Variants in EIF4G3 observed in about 807,000 individuals in gnomAD.
EIF4G3 encodes eIF-4-gamma 3.
Under a neutral mutation model 186.4 loss-of-function variants are expected in EIF4G3, and 34 were observed. The ratio of observed to expected loss-of-function variants is 0.18; its 90% confidence interval spans 0.14 to 0.24. The LOEUF (loss-of-function observed/expected upper bound fraction) is 0.24. Among genes scored for constraint, EIF4G3 ranks in the 10% least tolerant of loss-of-function variants. EIF4G3 has a pLI of 1.00. For missense variants in EIF4G3, 1,536 were observed against 1,948.5 expected, an observed-to-expected ratio of 0.79 and a Z score of 3.99; for synonymous variants, 673 against 679.5, an observed-to-expected ratio of 0.99 and a Z score of 0.15.
At chr1:21,064,177 A>G (rs996863325) in intron 3 of EIF4G3, among the ~76,000 whole-genome samples, 7 of 152,060 alleles carry the variant, frequency 4.6e-5, no homozygotes, top group Non-Finnish European at 8.8e-5. Context: ...GAGGATGGCG[A>G]GGTTCATGCT....
chr1:21,146,282 T>C (rs1003693170), intron 2 of EIF4G3, among the ~76,000 whole-genome samples: 5 of 151,902 alleles, frequency 3.3e-5, no homozygotes, highest in African/African-American at 9.7e-5. Context: ...CTTGAGCCCA[T>C]GAGGTTGAAG....
intron 2 of EIF4G3, among the ~76,000 whole-genome samples, chr1:21,098,736 G>C (rs2096447397): frequency 6.6e-6 from 1 of 152,012 alleles, no homozygotes; most frequent in African/African-American, 2.4e-5. Context: ...CTGCAGCCTT[G>C]ATCTCCCAGG....
intron 4 of EIF4G3, among the ~76,000 whole-genome samples, chr1:21,039,363 T>G (rs901264122): frequency 2.6e-5 from 4 of 152,178 alleles, no homozygotes; most frequent in African/African-American, 7.2e-5. Context: ...GAATCATAGA[T>G]CTAAATGTAA....
chr1:20,920,066 C>A (rs1342456721), intron 14 of EIF4G3, among the ~76,000 whole-genome samples: 3 of 152,066 alleles, frequency 2.0e-5, no homozygotes, highest in Admixed American at 1.3e-4. Context: ...ACCACCACAC[C>A]CAGCTAATTT....
At chr1:20,849,092 T>C (rs947259558) in intron 29 of EIF4G3, among the ~76,000 whole-genome samples, 11 of 140,516 alleles carry the variant, frequency 7.8e-5, no homozygotes, top group African/African-American at 2.9e-4. Flanking sequence ...GACAGCTATA[T>C]ACAGGGTGCC....
At chr1:21,132,356 AAG>A (rs1283758994) in intron 2 of EIF4G3, among the ~76,000 whole-genome samples, 2 of 152,210 alleles carry the variant, frequency 1.3e-5, no homozygotes, top group African/African-American at 2.4e-5. Context: ...AAGCAACAAA[AAG>A]AAAATTAAAT....
intron 13 of EIF4G3, among the ~76,000 whole-genome samples, chr1:20,947,646 AAGAG>A (rs1240707030): frequency 1.3e-5 from 2 of 152,200 alleles, no homozygotes; most frequent in East Asian, 1.9e-4. Context: ...GAAACAAAGA[AAGAG>A]AGTTAGTTTT....
At chr1:20,900,400 T>C (rs1191395964) in intron 15 of EIF4G3, among the ~76,000 whole-genome samples, 2 of 152,014 alleles carry the variant, frequency 1.3e-5, no homozygotes, top group Non-Finnish European at 2.9e-5. Flanking sequence ...CTAAGTCCTA[T>C]AAAACTGATC....
intron 14 of EIF4G3, among the ~76,000 whole-genome samples, chr1:20,931,811 G>A (rs1240906329): frequency 6.6e-6 from 1 of 152,070 alleles, no homozygotes; most frequent in Non-Finnish European, 1.5e-5. Context: ...TGTAGTTCCA[G>A]CTACTCAGGA....
At chr1:21,171,072 A>G (rs1256444449) in intron 2 of EIF4G3, among the ~76,000 whole-genome samples, 1 of 152,240 alleles carries the variant, frequency 6.6e-6, no homozygotes, top group Non-Finnish European at 1.5e-5. Flanking sequence ...CAGCTGAGCT[A>G]CAGGAGATTG....
intron 4 of EIF4G3, among the ~76,000 whole-genome samples, chr1:21,047,541 C>T (rs1340402885): frequency 6.6e-6 from 1 of 152,154 alleles, no homozygotes; most frequent in Non-Finnish European, 1.5e-5. Context: ...AAACCATTTA[C>T]TTCCCCTCTA....
At chr1:21,038,039 G>A (rs1455300175) in intron 4 of EIF4G3, among the ~76,000 whole-genome samples, 1 of 152,156 alleles carries the variant, frequency 6.6e-6, no homozygotes, top group East Asian at 1.9e-4. Flanking sequence ...TCTGAGCAGT[G>A]ATACTATATG....
At chr1:21,023,426 G>T (rs1231457359) in intron 4 of EIF4G3, among the ~76,000 whole-genome samples, 1 of 151,842 alleles carries the variant, frequency 6.6e-6, no homozygotes, top group East Asian at 1.9e-4. Flanking sequence ...GCGCCGCCAT[G>T]CCTGACTGGT....
intron 3 of EIF4G3, chr1:21,064,823 T>G (rs2095144478): frequency 6.6e-6 from 1 of 152,202 alleles, no homozygotes; most frequent in South Asian, 2.1e-4. Context: ...CAGGAACACT[T>G]GACAACTCCT....
intron 29 of EIF4G3, among the ~76,000 whole-genome samples, chr1:20,845,688 T>A (rs956617433): frequency 3.3e-5 from 5 of 151,494 alleles, no homozygotes. Context: ...AATAAATAAA[T>A]AAAAAATAAA....
At chr1:20,911,441 C>CA (rs2154558251) in intron 14 of EIF4G3, among the ~76,000 whole-genome samples, 1 of 151,024 alleles carries the variant, frequency 6.6e-6, no homozygotes, top group Admixed American at 6.6e-5. Flanking sequence ...ACAAGCTTGT[C>CA]ATCCCAGCTT....
chr1:20,960,194 C>T lies in EIF4G3; in HGVS notation c.714+9280G>A, dbSNP rs144041054. Among the ~76,000 whole-genome samples, 92 of 152,216 alleles carry T rather than the reference C, an allele frequency of 6.0e-4. 1 individual carries two copies. Among genetic ancestry groups the T allele is most frequent in the African/African-American group, 2.1e-3 (87 of 41,530 alleles). On this transcript the variant is annotated intron_variant, in intron 12 of 36. Coordinates refer to ENST00000602326, the MANE Select transcript of EIF4G3 (RefSeq NM_001391906.1). ...ATCAAAAATAAATTCTGCCTGGGCA[C>T]GGTGGCTCATGCCTGTAATCCCAGC...
intron 2 of EIF4G3, chr1:21,111,490 G>C: frequency 2.5e-6 from 1 of 407,960 alleles, no homozygotes; most frequent in Non-Finnish European, 5.1e-6. Context: ...TTTCCTTTCC[G>C]TGGACTATCC....
chr1:20,992,652 G>C (rs533429014), intron 7 of EIF4G3, among the ~76,000 whole-genome samples: 1 of 152,168 alleles, frequency 6.6e-6, no homozygotes, highest in Non-Finnish European at 1.5e-5. Flanking sequence ...TGAAAAGTAT[G>C]TGAACCAAAA....
Sources: gnomAD v4.1 joint callset for allele counts (sites outside exome capture counted in the v4.1 genomes callset) on GRCh38, gnomAD v4.1.1 for gene constraint, MANE v1.5 for transcripts, NCBI Gene and HGNC (gene_info 2026-07-23, HGNC 2026-07-21) for gene names.